The following C5 variants were observed in gnomAD, a reference collection of about 807,000 sequenced individuals.
C5 encodes complement C5, also known as C3 and PZP-like alpha-2-macroglobulin domain-containing protein 4.
In C5, 140 loss-of-function variants were observed where a neutral mutation model predicts 218.8. That is an observed-to-expected ratio of 0.64 (90% CI 0.56 to 0.74). The LOEUF (loss-of-function observed/expected upper bound fraction) is 0.74. Ranked by LOEUF, C5 falls within the 30% of genes least tolerant of loss-of-function variation. The probability of loss-of-function intolerance (pLI) is 0.00; values close to 1 mark genes in which losing one functional copy is unlikely to be tolerated. For synonymous variants in C5, 614 were observed against 682.3 expected, an observed-to-expected ratio of 0.90 and a Z score of 1.56; for missense variants, 1,700 against 1,969.6, an observed-to-expected ratio of 0.86 and a Z score of 2.59.
At chr9:120,956,401 ACTG>A (rs1385904386) in intron 39 of C5, among the ~76,000 whole-genome samples, 7 of 152,228 alleles carry the variant, frequency 4.6e-5, no homozygotes, top group Non-Finnish European at 8.8e-5. Flanking sequence ...ATTACAAAAC[ACTG>A]CTCAAAGAAA....
At chr9:121,000,073 T>C in intron 20 of C5, 1 of 272,502 alleles carries the variant, frequency 3.7e-6, no homozygotes, top group Non-Finnish European at 7.1e-6. Flanking sequence ...AAAAAAAAAA[T>C]GCTGTCAAGT....
intron 3 of C5, among the ~76,000 whole-genome samples, chr9:121,040,179 G>A (rs771586594): frequency 1.3e-5 from 2 of 152,222 alleles, no homozygotes; most frequent in Admixed American, 6.5e-5. Flanking sequence ...GTGATGACAC[G>A]TGAGGGTGAA....
Position 120,962,673 on chromosome 9 carries a change from G to A in C5, c.4502C>T (p.Pro1501Leu), listed in dbSNP as rs2131669492. The part of the protein sequence containing the change: ...ATFTVYEYHR[P>L]DKQCTMFYST... Reference sequence around the variant, plus strand: ...AATGTTAGCATGGAGTTGATTACCTGGTCTGTGGTATTCGTACACTGTGAA... The same window carrying A: ...AATGTTAGCATGGAGTTGATTACCTAGTCTGTGGTATTCGTACACTGTGAA... The change falls in exon 36 of 41, where the codon CCA (proline) becomes CTA (leucine). Residue 1501 changes from proline to leucine, a missense_variant and splice_region_variant. Coordinates refer to ENST00000223642, the MANE Select transcript of C5 (RefSeq NM_001735.3). The A allele has an allele frequency of 6.3e-7, 1 of 1,595,212 alleles. No homozygotes were observed. The highest frequency in any genetic ancestry group is 1.7e-5 in the Admixed American group (1 of 59,998).
At position 120,962,707 on chromosome 9, in the gene C5, G is replaced by C; in HGVS notation, c.4468C>G (p.Pro1490Ala). 2 of 1,613,884 alleles carry C rather than the reference G, an allele frequency of 1.2e-6. No homozygotes were observed. The highest frequency in any genetic ancestry group is 1.7e-6 in the Non-Finnish European group (2 of 1,179,794). The change falls in exon 36 of 41, where the codon CCT (proline) becomes GCT (alanine). Residue 1490 changes from proline (P) to alanine (A), a missense_variant. Physicochemically the swap from Pro to Ala is conservative, Grantham distance 27. Transcript: ENST00000223642. ...TATTCGTACACTGTGAAAGTGGCAG[G>C]ACTGAGAAACCCAACTTCAAAGAGT... ...FELFEVGFLS[P>A]ATFTVYEYHR...
At chr9:121,040,615 T>A (rs893747571) in intron 3 of C5, among the ~76,000 whole-genome samples, 7 of 152,328 alleles carry the variant, frequency 4.6e-5, no homozygotes, top group African/African-American at 1.7e-4. Flanking sequence ...TGGAAAACAC[T>A]TTCCTAGTGC....
At position 121,020,601 on chromosome 9, in the gene C5, CT is replaced by C. The variant is rs1250056344; in HGVS notation, c.1303-423del. On this transcript the variant is annotated intron_variant, in intron 11 of 40. Coordinates refer to ENST00000223642, the MANE Select transcript of C5 (RefSeq NM_001735.3). Reference sequence around the variant, plus strand: ...GGGGACAGGAGCTATGAACGAACATCTCAGAGACTATCTGGCCCAGTTTCAT... The same window carrying C: ...GGGGACAGGAGCTATGAACGAACATCCAGAGACTATCTGGCCCAGTTTCAT... 2.0e-5 allele frequency among the ~76,000 whole-genome samples: 3 copies of C among 152,158 alleles called. No homozygotes were observed. In the East Asian group the frequency reaches 5.8e-4, roughly 29 times the overall value.
Position 120,963,138 on chromosome 9 carries a change from T to G in C5, c.4324-171A>C, listed in dbSNP as rs757709947. 3.6e-4 allele frequency among the ~76,000 whole-genome samples: 55 copies of G among 152,370 alleles called. 1 individual carries two copies. The highest frequency in any genetic ancestry group is 6.6e-4 in the Non-Finnish European group (45 of 68,044). On this transcript the variant is annotated intron_variant, in intron 34 of 40. Coordinates refer to ENST00000223642, the MANE Select transcript of C5 (RefSeq NM_001735.3). ...GAACACATTAGCATATAAACTCATA[T>G]TTTACAGAGCATGCTAGTGTATGCT... is the stretch of plus-strand genomic sequence containing the variant.
chr9:121,064,147 C>T, the C5 span, among the ~76,000 whole-genome samples: 1 of 151,378 alleles, frequency 6.6e-6, no homozygotes, highest in African/African-American at 2.4e-5. Flanking sequence ...TTCTTTTTTC[C>T]TTTTCCTACT....
chr9:121,048,101 C>T (rs1320960526), intron 1 of C5, among the ~76,000 whole-genome samples: 1 of 152,152 alleles, frequency 6.6e-6, no homozygotes, highest in African/African-American at 2.4e-5. Flanking sequence ...CCAGAATTAA[C>T]ATTTTCAACT....
intron 39 of C5, among the ~76,000 whole-genome samples, chr9:120,955,847 G>C (rs2046780429): frequency 6.6e-6 from 1 of 151,896 alleles, no homozygotes; most frequent in African/African-American, 2.4e-5. Flanking sequence ...TTTGAGACCA[G>C]CCTGAACAAC....
chr9:120,962,762 A>G lies in C5; in HGVS notation c.4413T>C (p.Asp1471=). ...ATATCCGGAATCGTACACAAAGGAA[A>G]TCACTGGAGGGAATCTGTTTAACAA... ...ILQLNSIPSS[D]FLCVRFRIFE... Residue 1471 remains aspartate (D), a synonymous_variant, in exon 36 of 41, where the codon GAT becomes GAC. Transcript: ENST00000223642. The G allele has an allele frequency of 6.2e-7, 1 of 1,613,950 alleles. No homozygotes were observed.
chr9:121,067,200 C>T, the C5 span, among the ~76,000 whole-genome samples: 2 of 151,602 alleles, frequency 1.3e-5, no homozygotes, highest in Admixed American at 1.3e-4. Context: ...CCCAGAAGGT[C>T]AGGGCTGCAG....
intron 3 of C5, among the ~76,000 whole-genome samples, chr9:121,041,279 A>G (rs2047577133): frequency 7.0e-6 from 1 of 142,452 alleles, no homozygotes; most frequent in Admixed American, 7.2e-5. Context: ...GTCCTGATAG[A>G]GAAATAATAC....
rs1362137165 is a variant in C5 at position 121,030,761 on chromosome 9, G to C, written c.668-274C>G. On this transcript the variant is annotated intron_variant, in intron 6 of 40. Coordinates refer to ENST00000223642, the MANE Select transcript of C5 (RefSeq NM_001735.3). ...AGGCAATAGGTTATTTCTTCCATTA[G>C]AGTATAGGTTCCTTGAAAACAAAAA... 2.6e-5 allele frequency among the ~76,000 whole-genome samples: 4 copies of C among 152,270 alleles called. No homozygotes were observed. The East Asian group carries it at 5.8e-4, about 22-fold the overall frequency.
At chr9:121,006,787 A>AT (rs1374235093) in intron 19 of C5, 117 bp downstream of exon 19, 4 of 735,858 alleles carry the variant, frequency 5.4e-6, no homozygotes, top group African/African-American at 1.8e-5. Context: ...AAAAAAGAAT[A>AT]TTTTTTAAAA....
At chr9:121,032,861 T>C (rs1016431276) in intron 5 of C5, among the ~76,000 whole-genome samples, 1 of 151,878 alleles carries the variant, frequency 6.6e-6, no homozygotes, top group Non-Finnish European at 1.5e-5. Flanking sequence ...ATTAGTCTGG[T>C]GTGGTGGTGC....
chr9:121,066,584 C>T, the C5 span, among the ~76,000 whole-genome samples: 7 of 152,074 alleles, frequency 4.6e-5, no homozygotes, highest in East Asian at 1.9e-4. Context: ...GTGGGTCATG[C>T]CTGTAATCCC....
chr9:121,017,341 G>A lies in C5; in HGVS notation c.1866+21C>T, dbSNP rs944766385. The A allele has an allele frequency of 5.0e-6, 8 of 1,612,916 alleles. No homozygotes were observed. The East Asian group carries it at 8.9e-5, about 18-fold the overall frequency. On this transcript the variant is annotated intron_variant, in intron 14 of 40. Transcript: ENST00000223642. ...TGGCCACACTTCATGCAACACTGCA[G>A]CGAGACATGCATTACTTAACTCTTT...
chr9:120,965,805 G>A (rs1230203260), intron 33 of C5, among the ~76,000 whole-genome samples: 1 of 152,128 alleles, frequency 6.6e-6, no homozygotes, highest in Non-Finnish European at 1.5e-5. Flanking sequence ...AGGGCCTCCC[G>A]AGTGGAGAGT....
Sources: gnomAD v4.1 joint callset for allele counts (sites outside exome capture counted in the v4.1 genomes callset) on GRCh38, gnomAD v4.1.1 for gene constraint, MANE v1.5 for transcripts, NCBI Gene and HGNC (gene_info 2026-07-23, HGNC 2026-07-21) for gene names.